The following DMD variants were observed in gnomAD, a reference collection of about 807,000 sequenced individuals.
DMD encodes mutant dystrophin.
DMD carries 63 observed loss-of-function variants against 330.1 expected under a neutral mutation model. The observed-to-expected ratio is 0.19, with a 90% CI of 0.16 to 0.24. DMD has a LOEUF of 0.24. DMD is among the 10% of genes least tolerant of loss of function. The pLI is 1.00. For synonymous variants in DMD, 1,223 were observed against 959.8 expected (o/e 1.27, Z -5.07); for missense variants, 3,344 against 2,684.1 (o/e 1.25, Z -5.43).
intron 59 of DMD, among the ~76,000 whole-genome samples, chrX:31,462,916 C>A (rs951011786): frequency 4.5e-5 from 5 of 111,801 alleles, no homozygotes; most frequent in South Asian, 7.4e-4. Context: ...ATAAAGCCTG[C>A]AAAAACTGGG....
At chrX:31,716,622 C>T (rs921918026) in intron 52 of DMD, among the ~76,000 whole-genome samples, 12 of 111,074 alleles carry the variant, frequency 1.1e-4, no homozygotes, top group Non-Finnish European at 1.7e-4. Context: ...CTTTCTAAAA[C>T]GGGCTAAACA....
chrX:31,935,759 G>A (rs746503960), intron 45 of DMD, among the ~76,000 whole-genome samples: 4 of 96,200 alleles, frequency 4.2e-5, no homozygotes, highest in Non-Finnish European at 4.1e-5. Context: ...AAGCAGACAC[G>A]TTTAAGGAAA....
intron 60 of DMD, among the ~76,000 whole-genome samples, chrX:31,434,418 G>GCACACACACA (rs10572572): frequency 4.1e-4 from 32 of 78,063 alleles, no homozygotes; most frequent in Admixed American, 2.0e-3. Context: ...CAGCGCGCGC[G>GCACACACACA]CACACACACA....
chrX:32,637,494 C>G (rs1189432397), intron 11 of DMD, among the ~76,000 whole-genome samples: 1 of 111,761 alleles, frequency 8.9e-6, no homozygotes, highest in Non-Finnish European at 1.9e-5. Context: ...AAGTCACTTC[C>G]ACGTGTTCGG....
chrX:32,189,944 T>G, intron 44 of DMD, among the ~76,000 whole-genome samples: 1 of 111,387 alleles, frequency 9.0e-6, no homozygotes, highest in South Asian at 3.8e-4. Context: ...GCTTGTTACA[T>G]ATGTATACAT....
At chrX:32,886,659 G>A (rs1396861545) in intron 2 of DMD, among the ~76,000 whole-genome samples, 1 of 110,852 alleles carries the variant, frequency 9.0e-6, no homozygotes, top group Non-Finnish European at 1.9e-5. Flanking sequence ...CTCCAGCCTG[G>A]GCGACAGAGC....
At position 31,416,349 on chromosome X, in the gene DMD, T is replaced by G. The variant is rs185486121; in HGVS notation, c.9084+28132A>C. Among the ~76,000 whole-genome samples the G allele has an allele frequency of 2.7e-3, 304 of 112,330 alleles. 2 individuals carry two copies. Among genetic ancestry groups the G allele is most frequent in the African/African-American group, 8.7e-3 (270 of 30,930 alleles). On this transcript the variant is annotated intron_variant, in intron 60 of 78. Coordinates refer to ENST00000357033, the MANE Select transcript of DMD (RefSeq NM_004006.3). ...CCCTATAGGATCTCATTAGTAAAATTTAAGACAATCAAGATACATGGATTA... is the reference window on the plus strand; with the variant it reads ...CCCTATAGGATCTCATTAGTAAAATGTAAGACAATCAAGATACATGGATTA...
At chrX:31,315,602 T>C (rs903128160) in intron 62 of DMD, among the ~76,000 whole-genome samples, 7 of 112,474 alleles carry the variant, frequency 6.2e-5, no homozygotes, top group African/African-American at 9.7e-5. Flanking sequence ...ATATGTTCTA[T>C]GCTCATTCTC....
At chrX:31,871,301 G>A (rs2093885759) in intron 48 of DMD, among the ~76,000 whole-genome samples, 1 of 111,051 alleles carries the variant, frequency 9.0e-6, no homozygotes, top group African/African-American at 3.3e-5. Flanking sequence ...TTCCTGAATA[G>A]GAATATTTCG....
chrX:32,696,724 C>T (rs1210290263), intron 9 of DMD, among the ~76,000 whole-genome samples: 1 of 110,666 alleles, frequency 9.0e-6, no homozygotes, highest in Non-Finnish European at 1.9e-5. Context: ...TTGGTGTATG[C>T]TCCTTAATCT....
At chrX:32,235,782 A>AT (rs1470799306) in intron 43 of DMD, among the ~76,000 whole-genome samples, 1 of 111,561 alleles carries the variant, frequency 9.0e-6, no homozygotes, top group African/African-American at 3.3e-5. Flanking sequence ...CTTAACATGG[A>AT]TTTTTAACTT....
chrX:33,146,198 G>A (rs1483274356), intron 1 of DMD, among the ~76,000 whole-genome samples: 1 of 110,334 alleles, frequency 9.1e-6, no homozygotes, highest in Non-Finnish European at 1.9e-5. Context: ...CTGGCCAACT[G>A]TTACCACTTT....
chrX:31,493,918 G>A (rs1415790984), intron 57 of DMD, among the ~76,000 whole-genome samples: 1 of 111,096 alleles, frequency 9.0e-6, no homozygotes, highest in Non-Finnish European at 1.9e-5. Context: ...CCAGCACTTT[G>A]GGAGGCCAAG....
At chrX:32,296,531 T>C (rs1481957380) in intron 42 of DMD, among the ~76,000 whole-genome samples, 2 of 111,737 alleles carry the variant, frequency 1.8e-5, no homozygotes, top group African/African-American at 6.5e-5. Flanking sequence ...TGCTCCCTTA[T>C]TTCATACCTA....
intron 17 of DMD, among the ~76,000 whole-genome samples, chrX:32,543,802 C>T (rs191231029): frequency 9.0e-6 from 1 of 111,058 alleles, no homozygotes; most frequent in East Asian, 2.8e-4. Context: ...GAGCAAGGGT[C>T]GCCAAACTTT....
chrX:33,064,432 TTAAC>T (rs1374284010), intron 1 of DMD, among the ~76,000 whole-genome samples: 2 of 111,973 alleles, frequency 1.8e-5, no homozygotes, highest in African/African-American at 6.5e-5. Flanking sequence ...AGAAAACTAT[TTAAC>T]TATTATATAG....
chrX:32,543,649 G>A (rs776391924), intron 17 of DMD, among the ~76,000 whole-genome samples: 3 of 111,906 alleles, frequency 2.7e-5, no homozygotes, highest in East Asian at 5.6e-4. Flanking sequence ...AAAGCTTCAC[G>A]GATTTGTGCC....
intron 17 of DMD, among the ~76,000 whole-genome samples, chrX:32,541,001 G>C: frequency 9.0e-6 from 1 of 111,219 alleles, no homozygotes; most frequent in Non-Finnish European, 1.9e-5. Context: ...TCCACAGTGA[G>C]GTATATGGCT....
intron 6 of DMD, among the ~76,000 whole-genome samples, chrX:32,814,545 G>C (rs1239113799): frequency 8.9e-6 from 1 of 111,852 alleles, no homozygotes; most frequent in African/African-American, 3.2e-5. Context: ...AATACAAAAA[G>C]AAGGGGGAGA....
Sources: gnomAD v4.1 joint callset for allele counts (sites outside exome capture counted in the v4.1 genomes callset) on GRCh38, gnomAD v4.1.1 for gene constraint, MANE v1.5 for transcripts, NCBI Gene and HGNC (gene_info 2026-07-23, HGNC 2026-07-21) for gene names.